Variants in SMC1A observed in about 807,000 individuals in gnomAD.
SMC1A encodes the protein structural maintenance of chromosomes 1A, also known as structural maintenance of chromosomes protein 1A.
SMC1A carries 4 observed loss-of-function variants against 94.5 expected under a neutral mutation model. That is an observed-to-expected ratio of 0.04 (90% CI 0.02 to 0.10). The LOEUF is 0.10. Among genes scored for constraint, SMC1A ranks in the 10% least tolerant of loss-of-function variants. The probability of loss-of-function intolerance (pLI) is 1.00; values close to 1 mark genes in which losing one functional copy is unlikely to be tolerated. For synonymous variants in SMC1A, 345 were observed against 347.7 expected (o/e 0.99, Z 0.09); for missense variants, 304 against 989.0 (o/e 0.31, Z 9.29).
At chrX:53,389,161 C>T (rs1157168330) in intron 19 of SMC1A, among the ~76,000 whole-genome samples, 2 of 98,852 alleles carry the variant, frequency 2.0e-5, no homozygotes, top group Non-Finnish European at 4.0e-5. Context: ...ACATTTTAAA[C>T]ACTGCAGGAC....
intron 9 of SMC1A, among the ~76,000 whole-genome samples, chrX:53,406,202 CATA>C (rs2075690539): frequency 9.0e-6 from 1 of 111,080 alleles, no homozygotes; most frequent in Non-Finnish European, 1.9e-5. Flanking sequence ...GCCTGGGCAA[CATA>C]ATGAGACCCT....
chrX:53,387,189 G>A (rs1453738184), intron 19 of SMC1A, among the ~76,000 whole-genome samples: 13 of 111,292 alleles, frequency 1.2e-4, no homozygotes, highest in Non-Finnish European at 1.7e-4. Flanking sequence ...TAGAGATGGC[G>A]TTTCACCATG....
chrX:53,396,410 C>A (rs1556888024), intron 17 of SMC1A, 30 bp from the exon 18 acceptor site: 2 of 1,211,154 alleles, frequency 1.7e-6, no homozygotes. Flanking sequence ...TAGGTGAGAC[C>A]CAAATCTGGC....
At chrX:53,391,458 T>TAA (rs782035311) in intron 19 of SMC1A, among the ~76,000 whole-genome samples, 3 of 89,595 alleles carry the variant, frequency 3.3e-5, no homozygotes, top group African/African-American at 4.1e-5. Context: ...GTCTCCACGT[T>TAA]AAAAAAAAAA....
In SMC1A at chrX:53,422,093, G is replaced by A. The variant is rs918894591; in HGVS notation, c.109+399C>T. ...CGAAGGCCACGGGAGAGCTACCAGC[G>A]TCCCCACATTCTCCGGAGGGGGTCA... On this transcript the variant is annotated intron_variant, in intron 1 of 24. Coordinates refer to ENST00000322213, the MANE Select transcript of SMC1A (RefSeq NM_006306.4). 8 of 1,152,799 alleles carry A rather than the reference G, an allele frequency of 6.9e-6. No homozygotes were observed. The East Asian group carries it at 1.8e-4, about 26-fold the overall frequency.
At chrX:53,416,227 T>C (rs1326133662) in intron 1 of SMC1A, among the ~76,000 whole-genome samples, 6 of 103,760 alleles carry the variant, frequency 5.8e-5, no homozygotes, top group African/African-American at 2.1e-4. Flanking sequence ...CGCTTGAACC[T>C]GGGAGGTGGA....
rs150798015 is a variant in SMC1A at position 53,403,242 on chromosome X, C to G, written c.2420+324G>C. On this transcript the variant is annotated intron_variant, in intron 15 of 24. Coordinates refer to ENST00000322213, the MANE Select transcript of SMC1A (RefSeq NM_006306.4). ...AAAAAAAAAATTATTTCACCTAATC[C>G]TCCCAACAATGCCATGAGATAGGTA... Among the ~76,000 whole-genome samples the G allele has an allele frequency of 4.1e-3, 434 of 105,203 alleles. 4 individuals carry two copies. The highest frequency in any genetic ancestry group is 0.015 in the African/African-American group (425 of 28,797). 91.4% of individuals were successfully genotyped at this position (105,203 alleles called of 115,157 possible). A position where few individuals can be genotyped will look rare whatever the true frequency, so the allele number is the denominator to read the frequency against.
chrX:53,418,142 G>A (rs1268301671), intron 1 of SMC1A, among the ~76,000 whole-genome samples: 1 of 111,996 alleles, frequency 8.9e-6, no homozygotes, highest in African/African-American at 3.2e-5. Flanking sequence ...TTTAGAATCC[G>A]AAAACAAAAA....
intron 19 of SMC1A, among the ~76,000 whole-genome samples, chrX:53,393,482 AC>A (rs1184454040): frequency 3.6e-5 from 4 of 111,993 alleles, no homozygotes; most frequent in African/African-American, 1.3e-4. Context: ...CTAAACATTT[AC>A]TGATTAGATG....
At position 53,394,020 on chromosome X, in the gene SMC1A, G is replaced by A. The variant is rs958436053; in HGVS notation, c.2973+758C>T. Among the ~76,000 whole-genome samples, 3 of 108,675 alleles carry A rather than the reference G, an allele frequency of 2.8e-5. No homozygotes were observed. The East Asian group carries it at 8.6e-4, about 31-fold the overall frequency. 94.4% of individuals were successfully genotyped at this position (108,675 alleles called of 115,157 possible). A position where few individuals can be genotyped will look rare whatever the true frequency, so the allele number is the denominator to read the frequency against. ...AAAAATTAGCTGGGCATGATGGCGG[G>A]CACCTGTAATCTCAGCTACTTGGGA... On this transcript the variant is annotated intron_variant, in intron 19 of 24. Transcript: ENST00000322213.
chrX:53,404,600 T>C (rs2146598918), intron 13 of SMC1A, among the ~76,000 whole-genome samples: 1 of 110,211 alleles, frequency 9.1e-6, no homozygotes, highest in African/African-American at 3.3e-5. Context: ...TTCAAGCAAT[T>C]CTCCTGCCTC....
At chrX:53,383,669 G>C (rs1011485118) in intron 19 of SMC1A, among the ~76,000 whole-genome samples, 16 of 112,518 alleles carry the variant, frequency 1.4e-4, no homozygotes, top group African/African-American at 5.2e-4. Context: ...CACGTTTTCT[G>C]CTTAGATCAC....
At chrX:53,409,559 G>C (rs2075703486) in intron 7 of SMC1A, 56 bp from the exon 8 acceptor site, 1 of 977,130 alleles carries the variant, frequency 1.0e-6, no homozygotes, top group Non-Finnish European at 1.5e-6. Context: ...CAAGACCATG[G>C]GGGCTCTAGA....
chrX:53,380,142 G>C lies in SMC1A; in HGVS notation c.3663C>G (p.Thr1221=), dbSNP rs28997583. ...GGTTGGGGTTGGCATCTGGGTACTT[G>C]GTGAGGTCGAAGGTCAGGACTTTGC... The part of the protein sequence containing the change: ...VISKVLTFDL[T]KYPDANPNPN... Residue 1221 remains threonine, a synonymous_variant, in exon 25 of 25, where the codon ACC becomes ACG. Coordinates refer to ENST00000322213, the MANE Select transcript of SMC1A (RefSeq NM_006306.4). The C allele has an allele frequency of 1.2e-5, 15 of 1,206,337 alleles. No homozygotes were observed. The highest frequency in any genetic ancestry group is 1.6e-5 in the Non-Finnish European group (14 of 893,173).
chrX:53,412,931 G>A lies in SMC1A; in HGVS notation c.823C>T (p.Arg275Trp), dbSNP rs781812690. ...EKKKELGKMMREQQQIEKEIK... is the reference protein window; with the variant it reads ...EKKKELGKMMWEQQQIEKEIK... ...TCCTTCTCAATCTGCTGCTGCTCCCGCATCATTTTGCCCAGCTCCTTCTTC... is the reference window on the plus strand; with the variant it reads ...TCCTTCTCAATCTGCTGCTGCTCCCACATCATTTTGCCCAGCTCCTTCTTC... Residue 275 changes from arginine to tryptophan, a missense_variant, in exon 5 of 25, where the codon CGG (arginine) becomes TGG (tryptophan). This residue lies in a region of SMC1A where 120 missense variants were observed against 314.9 expected (regional missense o/e 0.38). Coordinates refer to ENST00000322213, the MANE Select transcript of SMC1A (RefSeq NM_006306.4). The A allele has an allele frequency of 5.0e-6, 6 of 1,192,019 alleles. No individual in the cohort carries two copies. The highest frequency in any genetic ancestry group is 6.8e-6 in the Non-Finnish European group (6 of 878,272).
rs781991944 is a variant in SMC1A at position 53,396,582 on chromosome X, G to T, written c.2598C>A (p.Thr866=). 9.1e-6 allele frequency: 11 copies of T among 1,206,858 alleles called. No homozygotes were observed. The African/African-American group carries it at 1.9e-4, about 21-fold the overall frequency. Residue 866 remains threonine, a synonymous_variant, in exon 17 of 25, where the codon ACC becomes ACA. Coordinates refer to ENST00000322213, the MANE Select transcript of SMC1A (RefSeq NM_006306.4). ...EQRHMKIIDE[T]MAQLQDLKNQ... The stretch of plus-strand genomic sequence containing the variant: ...TCTTCAGGTCTTGTAGCTGAGCCAT[G>T]GTCTCATCTATGATCTTCATGTGTC...
chrX:53,407,422 C>T (rs890355888), intron 9 of SMC1A, among the ~76,000 whole-genome samples: 1 of 112,686 alleles, frequency 8.9e-6, no homozygotes, highest in Non-Finnish European at 1.9e-5. Flanking sequence ...TCTCTTCTCC[C>T]ATACCTTGCC....
At chrX:53,393,398 T>C (rs1016309890) in intron 19 of SMC1A, among the ~76,000 whole-genome samples, 1 of 111,090 alleles carries the variant, frequency 9.0e-6, no homozygotes, top group Non-Finnish European at 1.9e-5. Flanking sequence ...TGGACCTTAC[T>C]GGAATATTGA....
rs782367252 is a variant in SMC1A, at chrX:53,385,566, C to T, written c.2974-2313G>A. On this transcript the variant is annotated intron_variant, in intron 19 of 24. Coordinates refer to ENST00000322213, the MANE Select transcript of SMC1A (RefSeq NM_006306.4). ...TTGGGATTACAGGTGTGAGCCACCGCGCCCGGCCCCAGGATAGATTTTTAA... is the reference window on the plus strand; with the variant it reads ...TTGGGATTACAGGTGTGAGCCACCGTGCCCGGCCCCAGGATAGATTTTTAA... Among the ~76,000 whole-genome samples the T allele has an allele frequency of 5.9e-3, 648 of 110,120 alleles. 4 individuals carry two copies. The highest frequency in any genetic ancestry group is 0.02 in the African/African-American group (615 of 30,223).
Sources: gnomAD v4.1 joint callset for allele counts (sites outside exome capture counted in the v4.1 genomes callset) on GRCh38, gnomAD v4.1.1 for gene constraint, gnomAD v4.1.1 regional missense constraint, MANE v1.5 for transcripts, NCBI Gene and HGNC (gene_info 2026-07-23, HGNC 2026-07-21) for gene names.